GPC6: variants seen among roughly 807,000 people sequenced by gnomAD.
GPC6 encodes the protein glypican-6.
GPC6 carries 14 observed loss-of-function variants against 55.2 expected under a neutral mutation model. The observed-to-expected ratio is 0.25, with a 90% CI of 0.17 to 0.40. GPC6 has a LOEUF of 0.40. GPC6 is among the 10% of genes least tolerant of loss of function. The probability of loss-of-function intolerance (pLI) is 1.00; values close to 1 mark genes in which losing one functional copy is unlikely to be tolerated. For missense variants in GPC6, 641 were observed against 708.5 expected, an observed-to-expected ratio of 0.90 and a Z score of 1.08; for synonymous variants, 278 against 259.6, an observed-to-expected ratio of 1.07 and a Z score of -0.68.
intron 6 of GPC6, among the ~76,000 whole-genome samples, chr13:94,337,369 G>A (rs1401771284): frequency 2.0e-5 from 3 of 152,190 alleles, no homozygotes; most frequent in Non-Finnish European, 4.4e-5. Flanking sequence ...GGTTAGGGGT[G>A]AGGGCAGAGT....
chr13:93,225,695 T>C (rs1212601797), upstream of GPC6, among the ~76,000 whole-genome samples: 2 of 152,144 alleles, frequency 1.3e-5, no homozygotes, highest in East Asian at 3.9e-4. Flanking sequence ...GTACCTAATA[T>C]GTTGTGATGA....
At chr13:93,484,397 C>A (rs1879628609) in intron 1 of GPC6, among the ~76,000 whole-genome samples, 1 of 152,218 alleles carries the variant, frequency 6.6e-6, no homozygotes, top group South Asian at 2.1e-4. Flanking sequence ...TGTTTGTAAT[C>A]TCACAGAAAT....
At chr13:94,320,193 G>A (rs144895255) in intron 6 of GPC6, among the ~76,000 whole-genome samples, 350 of 152,218 alleles carry the variant, frequency 2.3e-3, no homozygotes, top group African/African-American at 8.0e-3. Flanking sequence ...AGTTTTTAAC[G>A]TCAATGATTT....
At chr13:94,215,267 A>G (rs2138994085) in intron 4 of GPC6, among the ~76,000 whole-genome samples, 1 of 152,264 alleles carries the variant, frequency 6.6e-6, no homozygotes. Flanking sequence ...TTTCTTGTGA[A>G]AATAAAGGGC....
At chr13:94,082,905 C>T (rs577272014) in intron 4 of GPC6, among the ~76,000 whole-genome samples, 1 of 152,144 alleles carries the variant, frequency 6.6e-6, no homozygotes, top group African/African-American at 2.4e-5. Flanking sequence ...TCTGTCCACC[C>T]AGAATGTAGT....
intron 4 of GPC6, among the ~76,000 whole-genome samples, chr13:94,225,147 G>A (rs999862287): frequency 2.0e-5 from 3 of 152,048 alleles, no homozygotes; most frequent in Admixed American, 1.3e-4. Flanking sequence ...TTCTTTGCCT[G>A]TTAATCATTG....
intron 2 of GPC6, among the ~76,000 whole-genome samples, chr13:93,653,395 AAGATAATT>A (rs1880508289): frequency 6.6e-6 from 1 of 152,160 alleles, no homozygotes. Flanking sequence ...TGACACCAGA[AAGATAATT>A]GAACTCTAAA....
intron 4 of GPC6, among the ~76,000 whole-genome samples, chr13:94,140,839 G>A (rs1217967733): frequency 2.6e-5 from 4 of 152,002 alleles, no homozygotes; most frequent in African/African-American, 9.7e-5. Flanking sequence ...TTTCAAATCT[G>A]CCAGTGCCAC....
chr13:93,283,863 C>G (rs1255001232), intron 1 of GPC6, among the ~76,000 whole-genome samples: 1 of 152,138 alleles, frequency 6.6e-6, no homozygotes, highest in African/African-American at 2.4e-5. Context: ...TTCCTAAACC[C>G]CAGAAACAAC....
chr13:93,948,990 T>G (rs1260126842), intron 3 of GPC6, among the ~76,000 whole-genome samples: 1 of 152,178 alleles, frequency 6.6e-6, no homozygotes, highest in Admixed American at 6.5e-5. Flanking sequence ...AAAACTTATC[T>G]GAGGAGATGA....
chr13:93,234,212 T>C (rs574749787), intron 1 of GPC6, among the ~76,000 whole-genome samples: 62 of 152,160 alleles, frequency 4.1e-4, no homozygotes, highest in Non-Finnish European at 8.1e-4. Context: ...TCCTTGACCT[T>C]CTGCCCTTTT....
At chr13:94,161,828 A>C (rs1888178546) in intron 4 of GPC6, among the ~76,000 whole-genome samples, 1 of 152,146 alleles carries the variant, frequency 6.6e-6, no homozygotes, top group Non-Finnish European at 1.5e-5. Flanking sequence ...TTTATATGGA[A>C]AAAGAGGTTT....
intron 4 of GPC6, among the ~76,000 whole-genome samples, chr13:94,200,378 G>T (rs1174024133): frequency 6.6e-6 from 1 of 152,202 alleles, no homozygotes; most frequent in Non-Finnish European, 1.5e-5. Flanking sequence ...ATGAGGATAT[G>T]TAACAAAGAA....
chr13:94,064,249 T>C (rs182074987), intron 4 of GPC6, among the ~76,000 whole-genome samples: 3 of 152,360 alleles, frequency 2.0e-5, no homozygotes, highest in Non-Finnish European at 4.4e-5. Context: ...AGTTCGTCTA[T>C]CTAAAACATA....
At chr13:93,628,036 C>G (rs552471978) in intron 2 of GPC6, among the ~76,000 whole-genome samples, 5 of 152,312 alleles carry the variant, frequency 3.3e-5, no homozygotes, top group Admixed American at 6.5e-5. Flanking sequence ...GCCCATCAGA[C>G]TGTTCTTAAG....
intron 4 of GPC6, among the ~76,000 whole-genome samples, chr13:94,246,618 A>G (rs927977717): frequency 3.3e-5 from 5 of 151,996 alleles, no homozygotes; most frequent in African/African-American, 4.8e-5. Context: ...AGGAGACTCT[A>G]CTTTCTCCAT....
chr13:93,259,855 C>T (rs1262666149), intron 1 of GPC6, among the ~76,000 whole-genome samples: 1 of 151,972 alleles, frequency 6.6e-6, no homozygotes, highest in Non-Finnish European at 1.5e-5. Context: ...AATGGTATTG[C>T]TTCATCACAG....
intron 1 of GPC6, among the ~76,000 whole-genome samples, chr13:93,460,166 T>C (rs1054629664): frequency 6.6e-6 from 1 of 152,214 alleles, no homozygotes; most frequent in Non-Finnish European, 1.5e-5. Context: ...CTGCCCAGTT[T>C]CTGGTTATGA....
chr13:93,541,061 CAT>C (rs1882275994), intron 1 of GPC6, among the ~76,000 whole-genome samples: 1 of 151,656 alleles, frequency 6.6e-6, no homozygotes, highest in East Asian at 1.9e-4. Context: ...TTTTAGGGAA[CAT>C]GTGCACAATG....
Sources: allele counts gnomAD v4.1 joint callset (sites outside exome capture counted in the v4.1 genomes callset), GRCh38; gene constraint gnomAD v4.1.1; transcripts MANE v1.5; gene names NCBI Gene and HGNC (gene_info 2026-07-23, HGNC 2026-07-21).